Variants in PREX2 observed in about 807,000 individuals in gnomAD.
The protein encoded by PREX2 is phosphatidylinositol 3,4,5-trisphosphate-dependent Rac exchanger 2 protein.
A neutral mutation model predicts 203.2 loss-of-function variants in PREX2; 107 were observed. That is an observed-to-expected ratio of 0.53 (90% CI 0.45 to 0.62). PREX2 has a LOEUF of 0.62. PREX2 is among the 20% of genes least tolerant of loss of function. PREX2 has a pLI of 0.00. For missense variants in PREX2, 1,777 were observed against 1,955.9 expected, an observed-to-expected ratio of 0.91 and a Z score of 1.72; for synonymous variants, 672 against 663.6, an observed-to-expected ratio of 1.01 and a Z score of -0.19.
At chr8:68,058,631 C>T (rs1330556225) in intron 10 of PREX2, among the ~76,000 whole-genome samples, 3 of 152,084 alleles carry the variant, frequency 2.0e-5, no homozygotes, top group Non-Finnish European at 2.9e-5. Flanking sequence ...GACAGAGTTT[C>T]ACCATATTGG....
chr8:68,123,205 G>C (rs1292539361), intron 30 of PREX2, among the ~76,000 whole-genome samples: 1 of 151,968 alleles, frequency 6.6e-6, no homozygotes, highest in Non-Finnish European at 1.5e-5. Context: ...CAAAGGTAAA[G>C]CATACCAGAC....
At position 68,053,155 on chromosome 8, in the gene PREX2, A is replaced by C; in HGVS notation, c.1002A>C (p.Ala334=). The part of the protein sequence containing the change: ...VVNGWKIHNT[A]KNKWFVCMAK... The stretch of plus-strand genomic sequence containing the variant: ...ATGGATGGAAGATACATAACACAGC[A>C]AAAAATAAATGGTTTGTTTGTATGG... The change falls in exon 9 of 40, where the codon GCA becomes GCC. Residue 334 remains alanine (A), a synonymous_variant. Transcript: ENST00000288368. The C allele has an allele frequency of 6.2e-7, 1 of 1,613,698 alleles. No individual in the cohort carries two copies.
At chr8:68,156,757 A>C (rs1218411103) in intron 34 of PREX2, among the ~76,000 whole-genome samples, 1 of 152,180 alleles carries the variant, frequency 6.6e-6, no homozygotes, top group Non-Finnish European at 1.5e-5. Flanking sequence ...GTGACCAGGA[A>C]AGCACCATAA....
chr8:68,125,047 C>G (rs530151238), intron 30 of PREX2, among the ~76,000 whole-genome samples: 2 of 152,180 alleles, frequency 1.3e-5, no homozygotes, highest in South Asian at 4.1e-4. Flanking sequence ...TTTGCTTCAT[C>G]TCAATGGACT....
chr8:67,970,041 T>A (rs1362777579), intron 1 of PREX2, among the ~76,000 whole-genome samples: 1 of 152,222 alleles, frequency 6.6e-6, no homozygotes, highest in East Asian at 1.9e-4. Flanking sequence ...TTGTTTATGC[T>A]GTAGTTATAA....
intron 3 of PREX2, among the ~76,000 whole-genome samples, chr8:68,020,333 C>CAAA (rs67292795): frequency 9.4e-5 from 10 of 106,088 alleles, no homozygotes; most frequent in African/African-American, 1.9e-4. Context: ...GCATTCACAC[C>CAAA]AAAAAAAAAA....
chr8:68,179,908 GA>G (rs201566286), intron 35 of PREX2, among the ~76,000 whole-genome samples: 1 of 151,768 alleles, frequency 6.6e-6, no homozygotes, highest in Non-Finnish European at 1.5e-5. Flanking sequence ...AAGAACAAGT[GA>G]AAAAAAATCT....
Position 68,236,445 on chromosome 8 carries a change from G to C in PREX2, c.*5067G>C, listed in dbSNP as rs1813266416. The stretch of plus-strand genomic sequence containing the variant: ...ATTTGAAAACCTTCGTGGTGTCTCT[G>C]TGTGTTATTGATCATCTGTGTCTTT... On this transcript the variant is annotated 3_prime_UTR_variant, in exon 40 of 40. Transcript: ENST00000288368. 1 of 152,134 alleles carries C rather than the reference G, an allele frequency of 6.6e-6. No homozygotes were observed. The highest frequency in any genetic ancestry group is 6.6e-5 in the Admixed American group (1 of 15,264). The allele number at this position is 152,134 out of a possible 1,614,324, so 9.4% of individuals were successfully genotyped here.
intron 35 of PREX2, among the ~76,000 whole-genome samples, chr8:68,189,770 G>T (rs1812257307): frequency 1.3e-5 from 2 of 152,156 alleles, no homozygotes; most frequent in Non-Finnish European, 2.9e-5. Flanking sequence ...TGAGGGAACT[G>T]CAGATGGTAC....
At chr8:68,051,819 T>C (rs1178307206) in intron 8 of PREX2, among the ~76,000 whole-genome samples, 1 of 152,166 alleles carries the variant, frequency 6.6e-6, no homozygotes, top group Non-Finnish European at 1.5e-5. Flanking sequence ...AGAAGTCATT[T>C]TTGATTATTC....
chr8:68,227,071 A>AT (rs1368675614), intron 39 of PREX2, among the ~76,000 whole-genome samples: 1 of 152,212 alleles, frequency 6.6e-6, no homozygotes, highest in Non-Finnish European at 1.5e-5. Flanking sequence ...AAGAGTTTTG[A>AT]TTTTAACTTG....
At chr8:68,141,483 A>G (rs1811229120) in intron 33 of PREX2, among the ~76,000 whole-genome samples, 1 of 152,238 alleles carries the variant, frequency 6.6e-6, no homozygotes, top group Non-Finnish European at 1.5e-5. Flanking sequence ...ATAATCAACA[A>G]TCAATAAGAA....
chr8:68,170,695 G>A (rs894226720), intron 35 of PREX2, among the ~76,000 whole-genome samples: 1 of 152,154 alleles, frequency 6.6e-6, no homozygotes, highest in African/African-American at 2.4e-5. Context: ...AAGAAATTCA[G>A]GGGATGGGGC....
chr8:68,159,153 A>G (rs190109042), intron 35 of PREX2, among the ~76,000 whole-genome samples: 2 of 152,318 alleles, frequency 1.3e-5, no homozygotes, highest in Admixed American at 1.3e-4. Context: ...ATAGCTGGGA[A>G]GTAATTCAAG....
chr8:68,044,335 G>A, intron 7 of PREX2, 152 bp from the exon 8 acceptor site: 2 of 594,888 alleles, frequency 3.4e-6, no homozygotes, highest in Non-Finnish European at 6.0e-6. Context: ...GTTATGAATG[G>A]GAGGACAAAT....
chr8:68,105,523 T>A (rs1810384763), intron 23 of PREX2: 1 of 1,157,696 alleles, frequency 8.6e-7, no homozygotes, highest in East Asian at 6.1e-5. Flanking sequence ...CTCTCCCCGA[T>A]TACTCCATTA....
intron 37 of PREX2, among the ~76,000 whole-genome samples, chr8:68,209,394 G>A (rs1472468250): frequency 6.6e-6 from 1 of 152,034 alleles, no homozygotes; most frequent in Non-Finnish European, 1.5e-5. Context: ...CATAAAGTAG[G>A]GGAAATGATT....
intron 1 of PREX2, chr8:67,952,744 T>A: frequency 1.5e-6 from 1 of 688,400 alleles, no homozygotes. Context: ...CTCACTGAGT[T>A]GCGGGGGCCT....
chr8:68,037,977 G>A (rs752701474), intron 6 of PREX2, among the ~76,000 whole-genome samples, 182 bp from the exon 7 acceptor site: 5 of 152,112 alleles, frequency 3.3e-5, no homozygotes, highest in African/African-American at 7.2e-5. Flanking sequence ...CAGACTGATC[G>A]GGGGAAACTG....
Sources: allele counts gnomAD v4.1 joint callset (sites outside exome capture counted in the v4.1 genomes callset), GRCh38; gene constraint gnomAD v4.1.1; transcripts MANE v1.5; gene names NCBI Gene and HGNC (gene_info 2026-07-23, HGNC 2026-07-21).